Variants in MCUB observed in about 807,000 individuals in gnomAD.
The protein encoded by MCUB is calcium uniporter regulatory subunit MCUb, mitochondrial.
MCUB carries 46 observed loss-of-function variants against 41.4 expected under a neutral mutation model. The ratio of observed to expected loss-of-function variants is 1.11; its 90% CI spans 0.88 to 1.42. The LOEUF is 1.42. Among genes scored for constraint, MCUB ranks in the 40% most tolerant of loss-of-function variants. The pLI is 0.00. For missense variants in MCUB, 403 were observed against 404.9 expected, an observed-to-expected ratio of 1.00 and a Z score of 0.04; for synonymous variants, 148 against 148.2, an observed-to-expected ratio of 1.00 and a Z score of 0.01.
intron 4 of MCUB, among the ~76,000 whole-genome samples, chr4:109,682,337 T>TA (rs397774651): frequency 1.3e-5 from 2 of 150,946 alleles, no homozygotes; most frequent in African/African-American, 4.9e-5. Context: ...TTTTTTTTTT[T>TA]ACCTTGTATA....
chr4:109,633,064 G>A (rs1728510461), intron 1 of MCUB, among the ~76,000 whole-genome samples: 1 of 152,182 alleles, frequency 6.6e-6, no homozygotes, highest in African/African-American at 2.4e-5. Context: ...AAGTAGAGAT[G>A]TAAGGAGGTG....
At chr4:109,623,268 T>G (rs1276297054) in intron 1 of MCUB, among the ~76,000 whole-genome samples, 1 of 152,228 alleles carries the variant, frequency 6.6e-6, no homozygotes, top group Non-Finnish European at 1.5e-5. Context: ...GTCATGTGGA[T>G]GTAAGACCAG....
At chr4:109,647,622 A>G (rs185256632) in intron 1 of MCUB, among the ~76,000 whole-genome samples, 10 of 152,354 alleles carry the variant, frequency 6.6e-5, no homozygotes, top group Non-Finnish European at 1.2e-4. Flanking sequence ...AGTTTCGGCA[A>G]TTATAAACAA....
chr4:109,686,138 G>A (rs1457070675), intron 7 of MCUB, among the ~76,000 whole-genome samples: 3 of 152,124 alleles, frequency 2.0e-5, no homozygotes, highest in African/African-American at 7.2e-5. Flanking sequence ...ATTGAAGGAC[G>A]TTTTAATTTA....
intron 1 of MCUB, among the ~76,000 whole-genome samples, chr4:109,618,949 A>T (rs556546428): frequency 7.6e-6 from 1 of 132,244 alleles, no homozygotes; most frequent in South Asian, 2.3e-4. Context: ...TTGAACATTA[A>T]ACTTCTCTCT....
chr4:109,665,077 T>G (rs1309385389), intron 4 of MCUB, among the ~76,000 whole-genome samples: 1 of 152,216 alleles, frequency 6.6e-6, no homozygotes. Context: ...ACTGGTATAT[T>G]TATTAAAATT....
intron 1 of MCUB, among the ~76,000 whole-genome samples, chr4:109,640,203 C>T (rs72674825): frequency 0.28 from 42,363 of 151,972 alleles, 6,131 homozygotes; most frequent in African/African-American, 0.33. Context: ...ATCGCAAGGG[C>T]GGGAGGGTGT....
chr4:109,581,267 A>G (rs1436574108), intron 1 of MCUB, among the ~76,000 whole-genome samples: 1 of 152,218 alleles, frequency 6.6e-6, no homozygotes, highest in Non-Finnish European at 1.5e-5. Flanking sequence ...ACCTGACAAA[A>G]ACAAGCAATG....
chr4:109,582,045 T>C (rs1411572808), intron 1 of MCUB, among the ~76,000 whole-genome samples: 2 of 152,128 alleles, frequency 1.3e-5, no homozygotes, highest in African/African-American at 4.8e-5. Context: ...ACCCAAAGGA[T>C]TATAAATCAT....
intron 1 of MCUB, among the ~76,000 whole-genome samples, chr4:109,579,849 A>G (rs1727127380): frequency 6.6e-6 from 1 of 152,208 alleles, no homozygotes; most frequent in African/African-American, 2.4e-5. Context: ...AGAAGAAATA[A>G]TGAACCAAAT....
At chr4:109,582,539 A>T (rs150246478) in intron 1 of MCUB, among the ~76,000 whole-genome samples, 1,843 of 128,270 alleles carry the variant, frequency 0.014, 44 homozygotes, top group African/African-American at 0.055. Context: ...AATAAAATTT[A>T]AAAAAAAAAT....
intron 1 of MCUB, among the ~76,000 whole-genome samples, chr4:109,638,797 G>A (rs1721142271): frequency 6.6e-6 from 1 of 152,162 alleles, no homozygotes; most frequent in Admixed American, 6.5e-5. Flanking sequence ...GAAATTCACA[G>A]CATCTTCACC....
chr4:109,564,156 C>T (rs1272263702), intron 1 of MCUB, among the ~76,000 whole-genome samples: 5 of 151,072 alleles, frequency 3.3e-5, no homozygotes, highest in African/African-American at 7.3e-5. Context: ...TTTTTTGAGA[C>T]GGAGTCTTGC....
chr4:109,600,005 G>A (rs983926750), intron 1 of MCUB, among the ~76,000 whole-genome samples: 9 of 152,166 alleles, frequency 5.9e-5, no homozygotes, highest in Non-Finnish European at 1.0e-4. Context: ...TATGTTGTAC[G>A]CAAGATAGTG....
At chr4:109,604,074 T>C (rs1238485191) in intron 1 of MCUB, among the ~76,000 whole-genome samples, 19 of 152,068 alleles carry the variant, frequency 1.2e-4, no homozygotes, top group Non-Finnish European at 2.2e-4. Flanking sequence ...GCTGTTAATC[T>C]ATAACCTTAC....
At chr4:109,661,760 C>T (rs1200568398) in intron 3 of MCUB, among the ~76,000 whole-genome samples, 2 of 151,976 alleles carry the variant, frequency 1.3e-5, no homozygotes, top group South Asian at 2.1e-4. Context: ...GGGCCGCATG[C>T]GGTGGCTCAC....
intron 1 of MCUB, among the ~76,000 whole-genome samples, chr4:109,628,214 A>C (rs887952289): frequency 1.3e-5 from 2 of 152,156 alleles, no homozygotes; most frequent in African/African-American, 4.8e-5. Context: ...GCCAAGTGCA[A>C]AGTCCACAAG....
At chr4:109,581,812 A>G (rs1480986892) in intron 1 of MCUB, among the ~76,000 whole-genome samples, 3 of 152,248 alleles carry the variant, frequency 2.0e-5, no homozygotes, top group African/African-American at 4.8e-5. Flanking sequence ...AGAAATGGAA[A>G]TCAAAACCAC....
At chr4:109,571,801 A>G (rs980972187) in intron 1 of MCUB, among the ~76,000 whole-genome samples, 3 of 152,256 alleles carry the variant, frequency 2.0e-5, no homozygotes, top group Non-Finnish European at 4.4e-5. Flanking sequence ...GTTATGGCCT[A>G]GGCCTGGAGT....
Sources: gnomAD v4.1 joint callset for allele counts (sites outside exome capture counted in the v4.1 genomes callset) on GRCh38, gnomAD v4.1.1 for gene constraint, MANE v1.5 for transcripts, NCBI Gene and HGNC (gene_info 2026-07-23, HGNC 2026-07-21) for gene names.